JMJD1C: variants seen among roughly 807,000 people sequenced by gnomAD.
The protein encoded by JMJD1C is jumonji domain-containing protein 1C.
A neutral mutation model predicts 245.3 loss-of-function variants in JMJD1C; 31 were observed. The ratio of observed to expected loss-of-function variants is 0.13; its 90% CI spans 0.09 to 0.17. The LOEUF is 0.17. Ranked by LOEUF, JMJD1C falls within the 10% of genes least tolerant of loss-of-function variation. The probability of loss-of-function intolerance (pLI) is 1.00; values close to 1 mark genes in which losing one functional copy is unlikely to be tolerated. For missense variants in JMJD1C, 2,691 were observed against 3,000.2 expected, an observed-to-expected ratio of 0.90 and a Z score of 2.41; for synonymous variants, 1,057 against 1,017.4, an observed-to-expected ratio of 1.04 and a Z score of -0.74.
intron 2 of JMJD1C, among the ~76,000 whole-genome samples, chr10:63,334,757 T>C (rs1380285661): frequency 1.3e-5 from 2 of 149,172 alleles, no homozygotes; most frequent in Non-Finnish European, 3.0e-5. Flanking sequence ...GTCACCCAGG[T>C]TGGAGGGGTG....
intron 1 of JMJD1C, among the ~76,000 whole-genome samples, chr10:63,493,765 G>A (rs1484615179): frequency 6.6e-6 from 1 of 152,166 alleles, no homozygotes; most frequent in African/African-American, 2.4e-5. Flanking sequence ...CATTTTCACA[G>A]AGCAGATGAG....
rs781226636 is a variant in JMJD1C at position 63,189,368 on chromosome 10, TTGG to T, written c.6367_6369del (p.Pro2123del). 3.2e-5 allele frequency: 51 copies of T among 1,613,778 alleles called. 1 individual carries two copies. The South Asian group carries it at 5.2e-4, about 16-fold the overall frequency. ...TTTACATTTATCTTGGAGGTTTTACTTGGTGGAATTTTGTTTTCAACAACTGAA... is the reference window on the plus strand; with the variant it reads ...TTTACATTTATCTTGGAGGTTTTACTTGGAATTTTGTTTTCAACAACTGAA... On this transcript the variant is annotated inframe_deletion, in exon 18 of 26. Transcript: ENST00000399262.
At chr10:63,387,473 T>C (rs191753145) in intron 1 of JMJD1C, among the ~76,000 whole-genome samples, 2 of 151,344 alleles carry the variant, frequency 1.3e-5, no homozygotes, top group African/African-American at 4.9e-5. Context: ...AGAGACAGCA[T>C]AAAAAAGGAT....
rs867103021 is a variant in JMJD1C, at chr10:63,396,934, T to G, written c.169-16452A>C. Among the ~76,000 whole-genome samples the G allele has an allele frequency of 6.9e-3, 1,043 of 150,648 alleles. 13 individuals are homozygous for G. The highest frequency in any genetic ancestry group is 0.023 in the African/African-American group (937 of 41,334). On this transcript the variant is annotated intron_variant, in intron 1 of 25. Transcript: ENST00000399262. ...TCAAGAAGAACTGGTTTTTGGTTTT[T>G]TTTTTTTTTTTTGAGACAGGGTCTC...
intron 3 of JMJD1C, among the ~76,000 whole-genome samples, chr10:63,221,035 G>A (rs751995758): frequency 6.7e-5 from 10 of 149,816 alleles, no homozygotes; most frequent in Non-Finnish European, 1.2e-4. Context: ...GGTGTGAACC[G>A]GAAGGTGGCA....
chr10:63,310,449 T>G (rs1013628911), intron 2 of JMJD1C, among the ~76,000 whole-genome samples: 1 of 152,124 alleles, frequency 6.6e-6, no homozygotes, highest in Non-Finnish European at 1.5e-5. Flanking sequence ...GTGGTACAGA[T>G]TAAATGAATC....
intron 3 of JMJD1C, among the ~76,000 whole-genome samples, chr10:63,254,186 C>CA (rs1406706078): frequency 1.3e-5 from 2 of 150,628 alleles, no homozygotes; most frequent in East Asian, 3.9e-4. Flanking sequence ...TATGCACAAC[C>CA]AAAAAAACAA....
At chr10:63,502,719 C>A (rs955480441) in intron 1 of JMJD1C, among the ~76,000 whole-genome samples, 3 of 149,782 alleles carry the variant, frequency 2.0e-5, no homozygotes, top group Non-Finnish European at 4.4e-5. Flanking sequence ...ATAATATATT[C>A]TTTGTTCAAC....
intron 20 of JMJD1C, 127 bp from the exon 21 acceptor site, chr10:63,184,865 T>G: frequency 1.2e-6 from 1 of 808,274 alleles, no homozygotes; most frequent in South Asian, 1.9e-5. Context: ...CAATTTTCCT[T>G]GACTCAAGTG....
At position 63,215,628 on chromosome 10, in the gene JMJD1C, A is replaced by C. The variant is rs1847890803; in HGVS notation, c.747T>G (p.Ser249=). Residue 249 remains serine, a synonymous_variant, in exon 6 of 26, where the codon TCT becomes TCG. Coordinates refer to ENST00000399262, the MANE Select transcript of JMJD1C (RefSeq NM_032776.3). ...QMTFLDDVVH[S]LLKGENIGIT... ...TGCCAATATTTTCACCTTTTAACAA[A>C]GAGTGAACAACATCATCTAGAAAGG... 1 of 1,611,044 alleles carries C rather than the reference A, an allele frequency of 6.2e-7. No homozygotes were observed. The highest frequency in any genetic ancestry group is 1.7e-5 in the Admixed American group (1 of 59,948).
intron 2 of JMJD1C, among the ~76,000 whole-genome samples, chr10:63,305,675 TGTGTGTGTTGA>T (rs1224286029): frequency 7.3e-6 from 1 of 136,232 alleles, no homozygotes; most frequent in African/African-American, 2.8e-5. Context: ...TGTGTGTGTG[TGTGTGTGTTGA>T]AAGATCTTTC....
intron 2 of JMJD1C, among the ~76,000 whole-genome samples, chr10:63,282,580 T>G (rs1857534985): frequency 2.0e-5 from 3 of 152,228 alleles, no homozygotes; most frequent in Admixed American, 1.3e-4. Flanking sequence ...ATTTAAAAGT[T>G]CTTCCCTTTC....
At chr10:63,451,590 A>C (rs930017238) in intron 1 of JMJD1C, among the ~76,000 whole-genome samples, 1 of 152,232 alleles carries the variant, frequency 6.6e-6, no homozygotes, top group African/African-American at 2.4e-5. Context: ...TAGCACTGAC[A>C]TTGTATTAGG....
At position 63,380,105 on chromosome 10, in the gene JMJD1C, A is replaced by ATT. The variant is rs34420480; in HGVS notation, c.333+211_333+212dup. On this transcript the variant is annotated intron_variant, in intron 2 of 25. Coordinates refer to ENST00000399262, the MANE Select transcript of JMJD1C (RefSeq NM_032776.3). ...CAGGTATGTGCCACCACATCCAGCTATTTTTTTTTTTTTTTTTTGGTAGAG... is the reference window on the plus strand; with the variant it reads ...CAGGTATGTGCCACCACATCCAGCTATTTTTTTTTTTTTTTTTTTTGGTAGAG... 988 of 331,748 alleles carry ATT rather than the reference A, an allele frequency of 3.0e-3. 1 individual carries two copies. The highest frequency in any genetic ancestry group is 0.011 in the East Asian group (173 of 15,466). 20.6% of individuals were successfully genotyped at this position (331,748 alleles called of 1,614,324 possible).
chr10:63,244,232 G>A (rs1395878576), intron 3 of JMJD1C, among the ~76,000 whole-genome samples: 1 of 152,084 alleles, frequency 6.6e-6, no homozygotes, highest in Non-Finnish European at 1.5e-5. Flanking sequence ...GGTACCCGAG[G>A]CACAAACCCC....
chr10:63,467,842 A>T (rs1953362110), upstream of JMJD1C, among the ~76,000 whole-genome samples: 1 of 152,232 alleles, frequency 6.6e-6, no homozygotes, highest in Non-Finnish European at 1.5e-5. Context: ...AATTGTAAAA[A>T]TGCAAAAATG....
chr10:63,376,158 G>A (rs1946723085), intron 2 of JMJD1C, among the ~76,000 whole-genome samples: 1 of 152,120 alleles, frequency 6.6e-6, no homozygotes, highest in Non-Finnish European at 1.5e-5. Flanking sequence ...AATATTTTCT[G>A]TAACAGTGTC....
intron 2 of JMJD1C, among the ~76,000 whole-genome samples, chr10:63,334,558 C>CA (rs1169939744): frequency 1.3e-5 from 2 of 152,046 alleles, no homozygotes; most frequent in East Asian, 3.9e-4. Flanking sequence ...CCTGTCTCTA[C>CA]AAAAAATTCA....
intron 2 of JMJD1C, among the ~76,000 whole-genome samples, chr10:63,302,411 T>G (rs901848429): frequency 5.9e-5 from 9 of 152,220 alleles, no homozygotes; most frequent in African/African-American, 2.2e-4. Context: ...CTTTCTACAC[T>G]CTTTTCAAAA....
Sources: allele counts gnomAD v4.1 joint callset (sites outside exome capture counted in the v4.1 genomes callset), GRCh38; gene constraint gnomAD v4.1.1; transcripts MANE v1.5; gene names NCBI Gene and HGNC (gene_info 2026-07-23, HGNC 2026-07-21).